Variants in DGKH observed in about 807,000 individuals in gnomAD.
DGKH encodes the protein DAG kinase eta.
DGKH carries 90 observed loss-of-function variants against 159.3 expected under a neutral mutation model. The observed-to-expected ratio is 0.57, with a 90% CI of 0.48 to 0.67. The LOEUF is 0.67. Among genes scored for constraint, DGKH ranks in the 30% least tolerant of loss-of-function variants. The pLI, the probability that DGKH is intolerant of heterozygous loss-of-function variation, is 0.00. For missense variants in DGKH, 1,181 were observed against 1,506.1 expected, an observed-to-expected ratio of 0.78 and a Z score of 3.57; for synonymous variants, 536 against 553.8, an observed-to-expected ratio of 0.97 and a Z score of 0.45.
intron 1 of DGKH, among the ~76,000 whole-genome samples, chr13:42,063,971 G>C (rs1228050513): frequency 6.6e-6 from 1 of 151,374 alleles, no homozygotes; most frequent in Non-Finnish European, 1.5e-5. Flanking sequence ...ATATACTGTG[G>C]GCTGAGGAGA....
intron 30 of DGKH, chr13:42,256,125 C>G (rs954194780): frequency 5.9e-6 from 7 of 1,179,010 alleles, no homozygotes; most frequent in African/African-American, 1.5e-5. Context: ...GTGAACCCTA[C>G]TCAGTGTGAA....
At position 42,159,267 on chromosome 13, in the gene DGKH, G is replaced by C; in HGVS notation, c.624G>C (p.Val208=). The change falls in exon 6 of 30, where the codon GTG becomes GTC. Residue 208 remains valine, a splice_region_variant and synonymous_variant. Transcript: ENST00000337343. ...GVTSHGLSCE[V]CKFKAHKRCA... The stretch of plus-strand genomic sequence containing the variant: ...CTCTTTTTTTTTTTTTTTTTTTAGT[G>C]TGTAAATTCAAGGCTCACAAAAGAT... 1 of 150,132 alleles carries C rather than the reference G, an allele frequency of 6.7e-6. No homozygotes were observed. Among genetic ancestry groups the C allele is most frequent in the Non-Finnish European group, 1.1e-5 (1 of 94,010 alleles). The allele number at this position is 150,132 out of a possible 1,614,324, so 9.3% of individuals were successfully genotyped here.
At chr13:42,208,484 T>G (rs1436160977) in intron 21 of DGKH, among the ~76,000 whole-genome samples, 3 of 152,150 alleles carry the variant, frequency 2.0e-5, no homozygotes, top group Non-Finnish European at 4.4e-5. Flanking sequence ...CCTTGAAAGA[T>G]TTCCCTTAGA....
intron 13 of DGKH, chr13:42,181,695 C>G (rs921440421): frequency 4.2e-6 from 2 of 477,170 alleles, no homozygotes; most frequent in Non-Finnish European, 7.8e-6. Flanking sequence ...TGATAGTTGA[C>G]CCAGTATATG....
At chr13:42,163,468 A>G (rs1956240655) in intron 7 of DGKH, among the ~76,000 whole-genome samples, 1 of 152,158 alleles carries the variant, frequency 6.6e-6, no homozygotes, top group Non-Finnish European at 1.5e-5. Flanking sequence ...ACCAGGTTAC[A>G]GTCCCACCAA....
At chr13:42,094,574 T>TCA in intron 1 of DGKH, among the ~76,000 whole-genome samples, 1 of 152,334 alleles carries the variant, frequency 6.6e-6, no homozygotes, top group Non-Finnish European at 1.5e-5. Flanking sequence ...TTCCTATTTC[T>TCA]CACAGGCCTA....
intron 5 of DGKH, among the ~76,000 whole-genome samples, chr13:42,158,513 C>G (rs1261620677): frequency 1.3e-5 from 2 of 151,950 alleles, no homozygotes; most frequent in Non-Finnish European, 2.9e-5. Flanking sequence ...TTTGTTTTTC[C>G]ATATATGTGC....
At chr13:42,143,758 T>C (rs1421147630) in intron 3 of DGKH, among the ~76,000 whole-genome samples, 2 of 152,304 alleles carry the variant, frequency 1.3e-5, no homozygotes, top group East Asian at 3.9e-4. Flanking sequence ...CCCTTTATCA[T>C]TTTTTATTGT....
At chr13:42,071,453 A>G (rs1209260686) in intron 1 of DGKH, among the ~76,000 whole-genome samples, 2 of 152,260 alleles carry the variant, frequency 1.3e-5, no homozygotes, top group Admixed American at 6.5e-5. Flanking sequence ...AACATTTAAC[A>G]AAAATGTGAA....
At chr13:42,118,490 C>T (rs1018317700) in intron 1 of DGKH, among the ~76,000 whole-genome samples, 3 of 152,112 alleles carry the variant, frequency 2.0e-5, no homozygotes, top group Non-Finnish European at 4.4e-5. Flanking sequence ...TTAAAGGCCG[C>T]GACCTGGTGG....
In DGKH at chr13:42,186,013, GTGT is replaced by G. The variant is rs1383801503; in HGVS notation, c.1539-1035_1539-1033del. ...GGGGAGGAGTGGTGGTGGTGGTGGT[GTGT>G]GTGTGTGTGTGTGTGTGTGTGTGTG... On this transcript the variant is annotated intron_variant, in intron 13 of 29. Coordinates refer to ENST00000337343, the MANE Select transcript of DGKH (RefSeq NM_178009.5). 1.3e-3 allele frequency among the ~76,000 whole-genome samples: 63 copies of G among 50,180 alleles called. 1 individual carries two copies. Among genetic ancestry groups the G allele is most frequent in the Middle Eastern group, 0.013 (1 of 80 alleles). 32.9% of individuals were successfully genotyped at this position (50,180 alleles called of 152,430 possible).
At chr13:42,174,254 T>G in intron 12 of DGKH, 110 bp downstream of exon 12, 1 of 911,614 alleles carries the variant, frequency 1.1e-6, no homozygotes, top group Non-Finnish European at 1.7e-6. Flanking sequence ...GCATGTTAAC[T>G]TAATTTTATT....
chr13:42,226,904 T>G (rs1170530941), intron 29 of DGKH, among the ~76,000 whole-genome samples: 2 of 150,676 alleles, frequency 1.3e-5, no homozygotes, highest in African/African-American at 2.4e-5. Context: ...GTGGTGTATA[T>G]ATACACCATG....
At chr13:42,253,010 C>T (rs1255524722) in intron 30 of DGKH, among the ~76,000 whole-genome samples, 1 of 152,110 alleles carries the variant, frequency 6.6e-6, no homozygotes, top group Non-Finnish European at 1.5e-5. Flanking sequence ...TCATTATTAT[C>T]CAATTTCAAG....
intron 20 of DGKH, 104 bp from the exon 21 acceptor site, chr13:42,205,935 T>G (rs1053603795): frequency 5.6e-6 from 3 of 539,250 alleles, no homozygotes; most frequent in Non-Finnish European, 8.7e-6. Context: ...ACGAACACAC[T>G]GTGCTCCATT....
At chr13:42,176,278 A>G (rs146466802) in intron 12 of DGKH, among the ~76,000 whole-genome samples, 94 of 152,310 alleles carry the variant, frequency 6.2e-4, no homozygotes, top group Non-Finnish European at 1.0e-3. Flanking sequence ...ATCATGTAAA[A>G]TATTTTCTAC....
intron 3 of DGKH, among the ~76,000 whole-genome samples, chr13:42,139,826 A>G (rs1955496014): frequency 6.6e-6 from 1 of 152,210 alleles, no homozygotes; most frequent in Non-Finnish European, 1.5e-5. Flanking sequence ...AATTTAAACA[A>G]ATTTAAAGGC....
rs147987451 is a variant in DGKH, at chr13:42,041,311, C to T, written c.-13+1185C>T. Among the ~76,000 whole-genome samples, 212 of 152,248 alleles carry T rather than the reference C, an allele frequency of 1.4e-3. 6 individuals carry two copies. In the East Asian group the frequency reaches 0.037, roughly 26 times the overall value. On this transcript the variant is annotated intron_variant, in intron 1 of 29. Coordinates refer to the DGKH transcript ENST00000379274. ...GGAGCCCGGTTTTCCCTGTCGAGAC[C>T]GCGCCCTGGTCGTCACCTGGGCGCG... is the stretch of plus-strand genomic sequence containing the variant.
intron 3 of DGKH, among the ~76,000 whole-genome samples, chr13:42,144,519 T>C (rs1440331584): frequency 2.6e-5 from 4 of 152,000 alleles, no homozygotes; most frequent in African/African-American, 9.7e-5. Context: ...AAACCCCTTC[T>C]CTACTAAAAA....
Sources: allele counts gnomAD v4.1 joint callset (sites outside exome capture counted in the v4.1 genomes callset), GRCh38; gene constraint gnomAD v4.1.1; transcripts MANE v1.5; gene names NCBI Gene and HGNC (gene_info 2026-07-23, HGNC 2026-07-21).